Variants in GALNT13 observed in about 807,000 individuals in gnomAD.
GALNT13 encodes UDP-GalNAc:polypeptide N-acetylgalactosaminyltransferase 13.
Under a neutral mutation model 64.2 loss-of-function variants are expected in GALNT13, and 28 were observed. That is an observed-to-expected ratio of 0.44 (90% CI 0.32 to 0.60). The LOEUF (loss-of-function observed/expected upper bound fraction) is 0.60, where lower values mean the gene tolerates loss of function less well. Among genes scored for constraint, GALNT13 ranks in the 20% least tolerant of loss-of-function variants. The pLI, the probability that GALNT13 is intolerant of heterozygous loss-of-function variation, is 0.05. For synonymous variants in GALNT13, 214 were observed against 224.6 expected (o/e 0.95, Z 0.42); for missense variants, 577 against 669.8 (o/e 0.86, Z 1.53).
At chr2:153,660,870 G>A in the GALNT13 span, among the ~76,000 whole-genome samples, 1 of 152,032 alleles carries the variant, frequency 6.6e-6, no homozygotes, top group Admixed American at 6.6e-5. Flanking sequence ...ATTGCCATTG[G>A]CCAAGGCAAG....
the GALNT13 span, among the ~76,000 whole-genome samples, chr2:153,136,976 C>T: frequency 4.0e-5 from 6 of 151,882 alleles, no homozygotes; most frequent in East Asian, 1.9e-4. Context: ...GGCCCTCTCC[C>T]GAGGTGAATA....
At chr2:153,425,396 A>G in the GALNT13 span, among the ~76,000 whole-genome samples, 160 of 151,888 alleles carry the variant, frequency 1.1e-3, no homozygotes, top group African/African-American at 3.7e-3. Flanking sequence ...GATCACTGAA[A>G]ACTACATATG....
At chr2:154,261,988 AAGAC>A (rs781614250) in intron 8 of GALNT13, among the ~76,000 whole-genome samples, 1 of 152,148 alleles carries the variant, frequency 6.6e-6, no homozygotes. Context: ...ATACATTGCA[AAGAC>A]TTATTTGTAA....
the GALNT13 span, among the ~76,000 whole-genome samples, chr2:153,396,450 A>T: frequency 1.3e-5 from 2 of 152,118 alleles, no homozygotes; most frequent in African/African-American, 4.8e-5. Context: ...TTGTGATAAA[A>T]CATGAGATTA....
intron 9 of GALNT13, among the ~76,000 whole-genome samples, chr2:154,384,845 T>G (rs1277050719): frequency 6.6e-6 from 1 of 151,990 alleles, no homozygotes; most frequent in African/African-American, 2.4e-5. Context: ...CAGGAAATTT[T>G]TATCTTGGTA....
At chr2:154,060,151 A>G (rs1700099517) in intron 3 of GALNT13, among the ~76,000 whole-genome samples, 3 of 152,130 alleles carry the variant, frequency 2.0e-5, no homozygotes, top group Non-Finnish European at 2.9e-5. Context: ...GATGGCTGCC[A>G]CTAGGAATTG....
chr2:153,355,891 A>C, the GALNT13 span, among the ~76,000 whole-genome samples: 3 of 152,188 alleles, frequency 2.0e-5, no homozygotes, highest in Non-Finnish European at 2.9e-5. Context: ...GTCAATTATC[A>C]CACTTCTTAG....
chr2:154,127,813 T>C (rs1380461482), intron 3 of GALNT13, among the ~76,000 whole-genome samples: 2 of 151,226 alleles, frequency 1.3e-5, no homozygotes, highest in Non-Finnish European at 3.0e-5. Context: ...CATATATTTC[T>C]GCATACATAT....
chr2:153,726,939 C>CAAAAAAAAAAAA, the GALNT13 span, among the ~76,000 whole-genome samples: 3 of 50,934 alleles, frequency 5.9e-5, no homozygotes, highest in Non-Finnish European at 1.3e-4. Context: ...GACTCCATCT[C>CAAAAAAAAAAAA]AAAAAAAAAA....
intron 3 of GALNT13, among the ~76,000 whole-genome samples, chr2:154,133,543 T>TATAA (rs1474021424): frequency 6.0e-5 from 1 of 16,586 alleles, no homozygotes; most frequent in African/African-American, 1.9e-4. Flanking sequence ...TTTATATATA[T>TATAA]ATATATATAT....
intron 3 of GALNT13, among the ~76,000 whole-genome samples, chr2:154,051,816 A>G (rs1249143958): frequency 6.6e-6 from 1 of 152,190 alleles, no homozygotes; most frequent in Non-Finnish European, 1.5e-5. Context: ...ATATGTTCTA[A>G]GTAAACAATG....
chr2:153,739,984 T>C, the GALNT13 span, among the ~76,000 whole-genome samples: 1 of 151,958 alleles, frequency 6.6e-6, no homozygotes, highest in African/African-American at 2.4e-5. Flanking sequence ...AAATGTTTTT[T>C]CTTCATAAAA....
At chr2:153,967,387 G>T (rs12693887) in intron 3 of GALNT13, among the ~76,000 whole-genome samples, 2,231 of 152,220 alleles carry the variant, frequency 0.015, 21 homozygotes, top group Middle Eastern at 0.048. Context: ...AGCTTTCCAG[G>T]AATTCAAAGG....
intron 4 of GALNT13, among the ~76,000 whole-genome samples, chr2:154,141,807 T>C (rs1683275988): frequency 6.6e-6 from 1 of 152,190 alleles, no homozygotes; most frequent in South Asian, 2.1e-4. Flanking sequence ...ATTAGAATGC[T>C]TAATTATCAG....
chr2:153,387,875 A>G, the GALNT13 span, among the ~76,000 whole-genome samples: 1 of 152,114 alleles, frequency 6.6e-6, no homozygotes, highest in Non-Finnish European at 1.5e-5. Context: ...TAAGGAAAAG[A>G]GAAATAACAC....
chr2:154,125,194 T>C (rs2105527734), intron 3 of GALNT13, among the ~76,000 whole-genome samples: 1 of 152,290 alleles, frequency 6.6e-6, no homozygotes, highest in Non-Finnish European at 1.5e-5. Flanking sequence ...TCTTTCGTTA[T>C]TGTATATGTT....
chr2:153,574,915 A>G, the GALNT13 span, among the ~76,000 whole-genome samples: 18 of 151,974 alleles, frequency 1.2e-4, no homozygotes, highest in African/African-American at 4.3e-4. Flanking sequence ...CCTGTATGGT[A>G]TTGATGCTAG....
Position 154,253,941 on chromosome 2 carries a change from T to C in GALNT13, c.858-5080T>C, listed in dbSNP as rs141577862. On this transcript the variant is annotated intron_variant, in intron 7 of 12. Coordinates refer to ENST00000392825, the MANE Select transcript of GALNT13 (RefSeq NM_052917.4). ...GTGGTGAAAAGTACACAAATAAATA[T>C]AATACTATATACAATAAGAATTGGC... is the stretch of plus-strand genomic sequence containing the variant. 5.8e-3 allele frequency among the ~76,000 whole-genome samples: 882 copies of C among 152,240 alleles called. 14 individuals are homozygous for C. Among genetic ancestry groups the C allele is most frequent in the African/African-American group, 0.02 (824 of 41,538 alleles).
chr2:153,696,688 G>A, the GALNT13 span, among the ~76,000 whole-genome samples: 1 of 152,112 alleles, frequency 6.6e-6, no homozygotes, highest in African/African-American at 2.4e-5. Context: ...ATCAAAATAC[G>A]TTTGGACTGC....
Sources: gnomAD v4.1 joint callset for allele counts (sites outside exome capture counted in the v4.1 genomes callset) on GRCh38, gnomAD v4.1.1 for gene constraint, MANE v1.5 for transcripts, NCBI Gene and HGNC (gene_info 2026-07-23, HGNC 2026-07-21) for gene names.